NLRP7: variants seen among roughly 807,000 people sequenced by gnomAD.
NLRP7 encodes the protein NLR family pyrin domain containing 7.
A neutral mutation model predicts 85.5 loss-of-function variants in NLRP7; 72 were observed. The ratio of observed to expected loss-of-function variants is 0.84; its 90% CI spans 0.70 to 1.02. NLRP7 has a LOEUF of 1.02. NLRP7 is among the 50% of genes least tolerant of loss of function. The pLI, the probability that NLRP7 is intolerant of heterozygous loss-of-function variation, is 0.00. For missense variants in NLRP7, 1,243 were observed against 1,219.5 expected, an observed-to-expected ratio of 1.02 and a Z score of -0.29; for synonymous variants, 550 against 505.2, an observed-to-expected ratio of 1.09 and a Z score of -1.19.
upstream of NLRP7, among the ~76,000 whole-genome samples, chr19:54,948,561 T>C (rs1340873678): frequency 6.6e-6 from 1 of 151,800 alleles, no homozygotes; most frequent in Non-Finnish European, 1.5e-5. Flanking sequence ...AAAAAATAAA[T>C]AGATAACTGA....
At chr19:54,955,367 C>T (rs1340083243) in intron 1 of NLRP7, among the ~76,000 whole-genome samples, 2 of 152,132 alleles carry the variant, frequency 1.3e-5, no homozygotes, top group East Asian at 1.9e-4. Context: ...TAATTTTCTT[C>T]TTTAGGAAGA....
chr19:54,947,624 C>A, upstream of NLRP7: 6 of 1,289,620 alleles, frequency 4.7e-6, no homozygotes, highest in Non-Finnish European at 6.1e-6. Flanking sequence ...TGGCTCCCAA[C>A]CACTGACCTC....
At chr19:54,923,588 G>A in exon 10 of NLRP7, 2 of 881,362 alleles carry the variant, frequency 2.3e-6, no homozygotes, top group South Asian at 2.7e-5. Context: ...GACTCGTGCA[G>A]AATCTCCCAA....
At chr19:54,924,343 C>CCAGG (rs2068344361) in intron 9 of NLRP7, among the ~76,000 whole-genome samples, 1 of 152,220 alleles carries the variant, frequency 6.6e-6, no homozygotes, top group African/African-American at 2.4e-5. Context: ...AAGATTATGG[C>CCAGG]CAGGCACGGT....
chr19:54,936,838 C>A (rs550606218), intron 5 of NLRP7, among the ~76,000 whole-genome samples: 8 of 152,118 alleles, frequency 5.3e-5, no homozygotes, highest in African/African-American at 1.9e-4. Context: ...TCACTTGAAT[C>A]CAGGAGGCAG....
At chr19:54,926,208 GT>G (rs2068431963) in intron 9 of NLRP7, among the ~76,000 whole-genome samples, 1 of 130,142 alleles carries the variant, frequency 7.7e-6, no homozygotes, top group Admixed American at 8.3e-5. Context: ...GATTAGGGGT[GT>G]GTGTGTGTGT....
At chr19:54,958,586 A>T (rs985909297) in intron 1 of NLRP7, among the ~76,000 whole-genome samples, 2 of 152,086 alleles carry the variant, frequency 1.3e-5, no homozygotes, top group African/African-American at 4.8e-5. Context: ...CAAAGGTTGC[A>T]GTGAGTCAAG....
chr19:54,938,064 G>T, exon 5 of NLRP7: 1 of 1,613,906 alleles, frequency 6.2e-7, no homozygotes, highest in Non-Finnish European at 8.5e-7. Flanking sequence ...GCAGATGACA[G>T]GTGCTACGGG....
intron 9 of NLRP7, among the ~76,000 whole-genome samples, chr19:54,926,091 A>G (rs2068424503): frequency 6.6e-6 from 1 of 152,082 alleles, no homozygotes. Flanking sequence ...CAAATAAGTC[A>G]TTGAAAAGAT....
At chr19:54,939,126 C>G (rs775903122) in exon 4 of NLRP7, 1 of 1,614,214 alleles carries the variant, frequency 6.2e-7, no homozygotes, top group Non-Finnish European at 8.5e-7. Context: ...AGGTCGGTCA[C>G]GGATAAGGGC....
chr19:54,945,366 G>T (rs951315665), intron 1 of NLRP7, among the ~76,000 whole-genome samples: 1 of 149,932 alleles, frequency 6.7e-6, no homozygotes, highest in African/African-American at 2.4e-5. Context: ...CTCTTCCCGG[G>T]TTCAAGCGAT....
chr19:54,961,421 C>T (rs1401140851), intron 1 of NLRP7, among the ~76,000 whole-genome samples: 1 of 151,896 alleles, frequency 6.6e-6, no homozygotes, highest in Non-Finnish European at 1.5e-5. Context: ...TCACTTGAAC[C>T]CGGGAGGCAG....
chr19:54,946,903 G>C (rs1203466640), intron 1 of NLRP7, among the ~76,000 whole-genome samples: 1 of 151,384 alleles, frequency 6.6e-6, no homozygotes, highest in African/African-American at 2.4e-5. Context: ...GCCTCCCAAA[G>C]TGTTGGGATA....
intron 8 of NLRP7, among the ~76,000 whole-genome samples, chr19:54,933,319 G>A (rs1416268748): frequency 6.6e-6 from 1 of 151,836 alleles, no homozygotes; most frequent in East Asian, 1.9e-4. Flanking sequence ...CTAATTTTTG[G>A]TATTTTTAGT....
intron 1 of NLRP7, among the ~76,000 whole-genome samples, chr19:54,960,757 A>G (rs1251376342): frequency 2.6e-5 from 4 of 151,718 alleles, no homozygotes; most frequent in Non-Finnish European, 5.9e-5. Context: ...CACCGTGCCC[A>G]GCTAATTTTT....
At chr19:54,933,795 C>T (rs1383590640) in intron 7 of NLRP7, 56 bp from the exon 8 acceptor site, 13 of 1,472,494 alleles carry the variant, frequency 8.8e-6, no homozygotes, top group Non-Finnish European at 1.1e-5. Context: ...CAACTCCAAC[C>T]TGCTCAGTGA....
chr19:54,958,942 T>C (rs2069944635), intron 1 of NLRP7, among the ~76,000 whole-genome samples: 1 of 152,032 alleles, frequency 6.6e-6, no homozygotes, highest in Non-Finnish European at 1.5e-5. Context: ...AGAGAAAGAA[T>C]AGGGCAGGGA....
At chr19:54,925,516 G>A (rs2146137630) in intron 9 of NLRP7, among the ~76,000 whole-genome samples, 1 of 152,144 alleles carries the variant, frequency 6.6e-6, no homozygotes, top group Middle Eastern at 3.4e-3. Context: ...TCTTGAATAA[G>A]ACAAGTGGGC....
At position 54,944,702 on chromosome 19, in the gene NLRP7, G is replaced by A. The variant is rs565126317; in HGVS notation, c.-40+2767C>T. ...TACATATATCCTATTTTAGGATGGA[G>A]CAGGAAGAGCATGAGAGCCCAGGAG... On this transcript the variant is annotated intron_variant, in intron 1 of 9. Coordinates refer to ENST00000340844, the Ensembl canonical transcript of NLRP7. 5.3e-5 allele frequency among the ~76,000 whole-genome samples: 8 copies of A among 152,136 alleles called. No homozygotes were observed. In the South Asian group the frequency reaches 1.2e-3, roughly 24 times the overall value.
Sources: gnomAD v4.1 joint callset for allele counts (sites outside exome capture counted in the v4.1 genomes callset) on GRCh38, gnomAD v4.1.1 for gene constraint, MANE v1.5 for transcripts, NCBI Gene and HGNC (gene_info 2026-07-23, HGNC 2026-07-21) for gene names.